Variants in ELMO1 observed in about 807,000 individuals in gnomAD.
ELMO1 encodes the protein engulfment and cell motility 1, also known as engulfment and cell motility protein 1.
Under a neutral mutation model 98.9 loss-of-function variants are expected in ELMO1, and 26 were observed. That is an observed-to-expected ratio of 0.26 (90% confidence interval 0.19 to 0.36). The LOEUF (loss-of-function observed/expected upper bound fraction) is 0.36. Ranked by LOEUF, ELMO1 falls within the 10% of genes least tolerant of loss-of-function variation. ELMO1 has a pLI of 1.00. For missense variants in ELMO1, 627 were observed against 935.2 expected, an observed-to-expected ratio of 0.67 and a Z score of 4.30; for synonymous variants, 346 against 346.0, an observed-to-expected ratio of 1.00 and a Z score of 0.00.
intron 6 of ELMO1, among the ~76,000 whole-genome samples, chr7:37,245,561 C>T (rs565138346): frequency 1.2e-4 from 19 of 152,258 alleles, no homozygotes; most frequent in Admixed American, 2.6e-4. Context: ...CCTTTACCTG[C>T]CTTTCTTTTA....
At chr7:37,179,193 T>C (rs1384217796) in intron 13 of ELMO1, among the ~76,000 whole-genome samples, 1 of 152,058 alleles carries the variant, frequency 6.6e-6, no homozygotes, top group African/African-American at 2.4e-5. Flanking sequence ...ATAATTTTTT[T>C]CTTAGAGGGA....
chr7:37,257,798 G>C (rs961908287), intron 6 of ELMO1, among the ~76,000 whole-genome samples: 1 of 149,780 alleles, frequency 6.7e-6, no homozygotes, highest in African/African-American at 2.5e-5. Context: ...TCAAGAGATC[G>C]AGACCATCTG....
At chr7:37,370,339 ATT>A (rs1802068051) in intron 1 of ELMO1, among the ~76,000 whole-genome samples, 1 of 152,090 alleles carries the variant, frequency 6.6e-6, no homozygotes, top group Non-Finnish European at 1.5e-5. Context: ...TCCCCAGTAT[ATT>A]TAAGCATCAA....
intron 13 of ELMO1, among the ~76,000 whole-genome samples, chr7:37,142,418 G>C (rs1038741786): frequency 1.3e-5 from 2 of 152,174 alleles, no homozygotes; most frequent in Non-Finnish European, 2.9e-5. Flanking sequence ...TCTCACACCT[G>C]GTAGGTGCTA....
At chr7:37,335,698 C>T (rs1448039606) in intron 2 of ELMO1, among the ~76,000 whole-genome samples, 3 of 152,162 alleles carry the variant, frequency 2.0e-5, no homozygotes, top group Non-Finnish European at 4.4e-5. Flanking sequence ...CCCTCTGCCC[C>T]AAGCCATTTG....
intron 13 of ELMO1, among the ~76,000 whole-genome samples, chr7:37,206,989 T>C (rs897328558): frequency 1.3e-5 from 2 of 152,070 alleles, no homozygotes; most frequent in African/African-American, 4.8e-5. Flanking sequence ...GCTTGTCCGG[T>C]AGACTGAACA....
intron 15 of ELMO1, among the ~76,000 whole-genome samples, chr7:37,053,285 A>AACACACACACAC (rs59573752): frequency 2.0e-3 from 282 of 138,862 alleles, no homozygotes; most frequent in African/African-American, 6.1e-3. Context: ...CATTTGTTAA[A>AACACACACACAC]ACACACACAC....
intron 5 of ELMO1, 45 bp from the exon 6 acceptor site, chr7:37,259,395 A>G: frequency 6.3e-6 from 10 of 1,587,988 alleles, no homozygotes; most frequent in Non-Finnish European, 8.6e-6. Flanking sequence ...AAACGAAACC[A>G]CAACAGCAAA....
At chr7:37,060,622 A>G (rs537330500) in intron 15 of ELMO1, among the ~76,000 whole-genome samples, 1 of 152,144 alleles carries the variant, frequency 6.6e-6, no homozygotes, top group South Asian at 2.1e-4. Flanking sequence ...ACAAATCTGC[A>G]CATGTACCCT....
At chr7:37,144,937 T>C (rs1302972484) in intron 13 of ELMO1, among the ~76,000 whole-genome samples, 1 of 152,182 alleles carries the variant, frequency 6.6e-6, no homozygotes, top group African/African-American at 2.4e-5. Context: ...ATCTCTAAAC[T>C]TATTCTGTGC....
At chr7:37,416,559 T>TA (rs1804224347) in intron 1 of ELMO1, among the ~76,000 whole-genome samples, 1 of 152,330 alleles carries the variant, frequency 6.6e-6, no homozygotes, top group South Asian at 2.1e-4. Flanking sequence ...GGATAATGCA[T>TA]AATCTCCATT....
chr7:37,446,343 A>G (rs192237059), intron 1 of ELMO1, among the ~76,000 whole-genome samples: 2 of 152,344 alleles, frequency 1.3e-5, no homozygotes, highest in African/African-American at 2.4e-5. Flanking sequence ...CAATGACTGT[A>G]TAATGCCAGG....
At chr7:37,443,438 G>A (rs1047428889) in intron 1 of ELMO1, among the ~76,000 whole-genome samples, 5 of 152,122 alleles carry the variant, frequency 3.3e-5, no homozygotes, top group South Asian at 4.1e-4. Flanking sequence ...CTAATTTCTC[G>A]ACTCAGCACT....
chr7:37,408,996 T>C (rs547826670), intron 1 of ELMO1, among the ~76,000 whole-genome samples: 4 of 152,288 alleles, frequency 2.6e-5, no homozygotes, highest in African/African-American at 9.6e-5. Flanking sequence ...TTAAACATTG[T>C]TTACACATCG....
At chr7:36,886,183 TCTCA>T (rs1251334426) in intron 18 of ELMO1, among the ~76,000 whole-genome samples, 1 of 152,188 alleles carries the variant, frequency 6.6e-6, no homozygotes, top group Non-Finnish European at 1.5e-5. Flanking sequence ...CTTCCACTGG[TCTCA>T]CTAATAGGAG....
chr7:36,873,045 A>C (rs558330705), intron 19 of ELMO1, among the ~76,000 whole-genome samples: 1 of 152,268 alleles, frequency 6.6e-6, no homozygotes, highest in Admixed American at 6.5e-5. Context: ...TCACTTTTTC[A>C]CTAGGTTTTG....
chr7:37,050,258 G>A (rs1796029245), intron 15 of ELMO1, among the ~76,000 whole-genome samples: 1 of 151,988 alleles, frequency 6.6e-6, no homozygotes, highest in Admixed American at 6.6e-5. Flanking sequence ...ATTTCTAGTA[G>A]AGATGGGGTT....
intron 21 of ELMO1, among the ~76,000 whole-genome samples, chr7:36,858,256 A>G (rs1404792947): frequency 6.6e-6 from 1 of 152,198 alleles, no homozygotes; most frequent in South Asian, 2.1e-4. Context: ...TAAAATTAGG[A>G]TATCAACCTT....
intron 1 of ELMO1, among the ~76,000 whole-genome samples, chr7:37,347,073 G>C (rs557134948): frequency 6.6e-6 from 1 of 152,302 alleles, no homozygotes; most frequent in Admixed American, 6.5e-5. Context: ...CAAACCACGA[G>C]AGAAAGGGAG....
Sources: allele counts gnomAD v4.1 joint callset (sites outside exome capture counted in the v4.1 genomes callset), GRCh38; gene constraint gnomAD v4.1.1; transcripts MANE v1.5; gene names NCBI Gene and HGNC (gene_info 2026-07-23, HGNC 2026-07-21).